The following DENND4A variants were observed in gnomAD, a reference collection of about 807,000 sequenced individuals.
The protein encoded by DENND4A is DENN domain containing 4A.
DENND4A carries 70 observed loss-of-function variants against 199.3 expected under a neutral mutation model. The ratio of observed to expected loss-of-function variants is 0.35; its 90% CI spans 0.29 to 0.43. The LOEUF is 0.43. Ranked by LOEUF, DENND4A falls within the 20% of genes least tolerant of loss-of-function variation. The probability of loss-of-function intolerance (pLI) is 1.00; values close to 1 mark genes in which losing one functional copy is unlikely to be tolerated. For synonymous variants in DENND4A, 686 were observed against 766.9 expected (o/e 0.89, Z 1.74); for missense variants, 1,723 against 2,255.8 (o/e 0.76, Z 4.78).
chr15:65,735,847 T>A lies in DENND4A; in HGVS notation c.1040+1860A>T, dbSNP rs576618567. On this transcript the variant is annotated intron_variant, in intron 7 of 32. Transcript: ENST00000443035. The stretch of plus-strand genomic sequence containing the variant: ...GGCTCACACCTGTAATCCCCAGCAC[T>A]CTAGGAGGCCGAGGCAGGTGTTTCA... 5.3e-5 allele frequency among the ~76,000 whole-genome samples: 8 copies of A among 152,164 alleles called. No homozygotes were observed. The South Asian group carries it at 1.5e-3, about 28-fold the overall frequency.
Position 65,772,099 on chromosome 15 carries a change from C to T in DENND4A, c.-101-10661G>A, listed in dbSNP as rs553493039. Reference sequence around the variant, plus strand: ...TTGCCAGCATTCAGAGCCTCCTGGACGATGTCGACACATTTCTCAGCTTCA... The same window carrying T: ...TTGCCAGCATTCAGAGCCTCCTGGATGATGTCGACACATTTCTCAGCTTCA... On this transcript the variant is annotated intron_variant, in intron 1 of 32. Transcript: ENST00000443035. 1.3e-4 allele frequency: 124 copies of T among 941,480 alleles called. No homozygotes were observed. The African/African-American group carries it at 1.8e-3, about 14-fold the overall frequency. The allele number at this position is 941,480 out of a possible 1,614,324, so 58.3% of individuals were successfully genotyped here. A position where few individuals can be genotyped will look rare whatever the true frequency, so the allele number is the denominator to read the frequency against.
chr15:65,746,225 C>T (rs2076386632), intron 4 of DENND4A, among the ~76,000 whole-genome samples: 1 of 151,828 alleles, frequency 6.6e-6, no homozygotes, highest in Non-Finnish European at 1.5e-5. Context: ...AGGCATTGTT[C>T]TAAAACTACT....
intron 12 of DENND4A, among the ~76,000 whole-genome samples, chr15:65,718,750 GTTTTTTTTCCT>G (rs2075497458): frequency 4.6e-5 from 2 of 43,730 alleles, no homozygotes; most frequent in African/African-American, 1.4e-4. Context: ...AGTTTTGCAT[GTTTTTTTTCCT>G]TTTTTTTTTT....
intron 11 of DENND4A, among the ~76,000 whole-genome samples, chr15:65,724,381 GTTTT>G (rs35006844): frequency 3.6e-4 from 51 of 143,374 alleles, no homozygotes; most frequent in African/African-American, 1.2e-3. Context: ...TTTTTGAATC[GTTTT>G]TTTTTTTTTT....
intron 1 of DENND4A, among the ~76,000 whole-genome samples, chr15:65,786,619 A>T (rs77832100): frequency 6.6e-6 from 1 of 152,166 alleles, no homozygotes; most frequent in African/African-American, 2.4e-5. Flanking sequence ...AGCTCATTTA[A>T]TTTTTACAAC....
At chr15:65,700,920 T>C (rs1186684331) in intron 19 of DENND4A, 131 bp downstream of exon 19, 15 of 1,053,448 alleles carry the variant, frequency 1.4e-5, no homozygotes, top group Non-Finnish European at 1.6e-5. Flanking sequence ...ATGGGAAGAG[T>C]AATATAATTT....
At chr15:65,688,898 G>A (rs1408321160) in intron 23 of DENND4A, among the ~76,000 whole-genome samples, 2 of 152,186 alleles carry the variant, frequency 1.3e-5, no homozygotes. Flanking sequence ...TTTTTAAGTT[G>A]TAATCAGTGG....
At chr15:65,739,888 T>C (rs1393577661) in intron 5 of DENND4A, among the ~76,000 whole-genome samples, 3 of 152,086 alleles carry the variant, frequency 2.0e-5, no homozygotes, top group Non-Finnish European at 2.9e-5. Flanking sequence ...ATAGAAATAG[T>C]GATGAAGGCC....
In DENND4A at chr15:65,737,959, A is replaced by C; in HGVS notation, c.802-14T>G. On this transcript the variant is annotated splice_polypyrimidine_tract_variant and intron_variant, in intron 6 of 32. Coordinates refer to ENST00000443035, the MANE Select transcript of DENND4A (RefSeq NM_001320835.1). ...AGCACCATAAACCTGCAAAACAAGTAATATATCCAGTAAATATACTTTGTA... is the reference window on the plus strand; with the variant it reads ...AGCACCATAAACCTGCAAAACAAGTCATATATCCAGTAAATATACTTTGTA... 1.3e-6 allele frequency: 2 copies of C among 1,557,716 alleles called. No homozygotes were observed. The highest frequency in any genetic ancestry group is 1.7e-6 in the Non-Finnish European group (2 of 1,149,320).
intron 1 of DENND4A, chr15:65,771,413 A>C: frequency 6.3e-7 from 1 of 1,583,738 alleles, no homozygotes; most frequent in Middle Eastern, 2.3e-4. Context: ...GTCCTTGCTG[A>C]CATAATAAAC....
rs1487896039 is a variant in DENND4A, at chr15:65,701,813, C to A, written c.2508G>T (p.Met836Ile). The A allele has an allele frequency of 6.2e-7, 1 of 1,613,766 alleles. No individual in the cohort carries two copies. Among genetic ancestry groups the A allele is most frequent in the Non-Finnish European group, 8.5e-7 (1 of 1,179,740 alleles). ...PVLAVRVLFE[M>I]QKAGIDPNAI... ...CATTGGGGTCAATACCAGCTTTCTG[C>A]ATTTCAAAAAGCACTCGAACTGCAA... Residue 836 changes from methionine to isoleucine, a missense_variant, in exon 18 of 33, where the codon ATG (methionine) becomes ATT (isoleucine). This residue lies in a region of DENND4A where 36 missense variants were observed against 85.7 expected (regional missense o/e 0.42). Coordinates refer to ENST00000443035, the MANE Select transcript of DENND4A (RefSeq NM_001320835.1).
chr15:65,746,933 TA>T (rs79912609), intron 4 of DENND4A, among the ~76,000 whole-genome samples: 707 of 128,276 alleles, frequency 5.5e-3, no homozygotes, highest in Middle Eastern at 0.012. Flanking sequence ...CTGTCTCTAC[TA>T]AAAAAAAAAA....
Position 65,728,045 on chromosome 15 carries a change from G to A in DENND4A, c.1487+1027C>T, listed in dbSNP as rs371191037. Among the ~76,000 whole-genome samples, 232 of 151,168 alleles carry A rather than the reference G, an allele frequency of 1.5e-3. 3 individuals are homozygous for A. Among genetic ancestry groups the A allele is most frequent in the African/African-American group, 5.4e-3 (220 of 41,080 alleles). On this transcript the variant is annotated intron_variant, in intron 11 of 32. Coordinates refer to ENST00000443035, the MANE Select transcript of DENND4A (RefSeq NM_001320835.1). ...TTCTTTTGAGACAGAGTCTCCCTCC[G>A]TTACCCAGGCTGGAAAGCAGTGGTG...
In DENND4A at chr15:65,691,119, C is replaced by G. The variant is rs757726723; in HGVS notation, c.3475G>C (p.Val1159Leu). The change falls in exon 23 of 33, where the codon GTG becomes CTG. Residue 1159 changes from valine (V) to leucine (L), a missense_variant. Physicochemically the swap from Val to Leu is conservative, Grantham distance 32. Transcript: ENST00000443035. Reference sequence around the variant, plus strand: ...AAGTCAAAAATAACAGGAGAATCCACTTTATCTGCCAAATAGTTAGAACCA... The same window carrying G: ...AAGTCAAAAATAACAGGAGAATCCAGTTTATCTGCCAAATAGTTAGAACCA... ...FDGSNYLADKVDSPVIFDLED... is the reference protein window; with the variant it reads ...FDGSNYLADKLDSPVIFDLED... The G allele has an allele frequency of 6.2e-7, 1 of 1,613,254 alleles. No homozygotes were observed. Among genetic ancestry groups the G allele is most frequent in the South Asian group, 1.1e-5 (1 of 91,026 alleles).
rs1391729934 is a variant in DENND4A at position 65,659,339 on chromosome 15, T to G, written c.*2512A>C. On this transcript the variant is annotated 3_prime_UTR_variant, in exon 33 of 33. Transcript: ENST00000443035. ...ATTTTCTGGTTTTTTTTTTTTTTTT[T>G]TTTTTTTTTTTTGAGACAGGGTCTT... The G allele has an allele frequency of 3.7e-5, 5 of 134,188 alleles. 1 individual carries two copies. Among genetic ancestry groups the G allele is most frequent in the African/African-American group, 1.4e-4 (5 of 36,702 alleles). 8.3% of individuals were successfully genotyped at this position (134,188 alleles called of 1,614,324 possible). A position where few individuals can be genotyped will look rare whatever the true frequency, so the allele number is the denominator to read the frequency against.
At chr15:65,754,375 C>T (rs28477708) in intron 3 of DENND4A, among the ~76,000 whole-genome samples, 30,140 of 152,038 alleles carry the variant, frequency 0.2, 4,024 homozygotes, top group East Asian at 0.74. Context: ...TTCAAATTCC[C>T]ACCACCTGTT....
chr15:65,711,314 C>A (rs2075241832), intron 14 of DENND4A, among the ~76,000 whole-genome samples: 1 of 152,030 alleles, frequency 6.6e-6, no homozygotes, highest in African/African-American at 2.4e-5. Context: ...CCAACCTGGG[C>A]AACACAAGGA....
chr15:65,726,853 G>A (rs2075815661), intron 11 of DENND4A, among the ~76,000 whole-genome samples: 1 of 152,102 alleles, frequency 6.6e-6, no homozygotes, highest in South Asian at 2.1e-4. Flanking sequence ...CTACTTGGGA[G>A]GCTGAGGCAG....
intron 23 of DENND4A, among the ~76,000 whole-genome samples, chr15:65,687,352 G>C (rs974618913): frequency 7.9e-5 from 12 of 151,896 alleles, no homozygotes; most frequent in Non-Finnish European, 1.5e-4. Flanking sequence ...AATTCCATGA[G>C]ATAATGTTAC....
Sources: gnomAD v4.1 joint callset for allele counts (sites outside exome capture counted in the v4.1 genomes callset) on GRCh38, gnomAD v4.1.1 for gene constraint, gnomAD v4.1.1 regional missense constraint, MANE v1.5 for transcripts, NCBI Gene and HGNC (gene_info 2026-07-23, HGNC 2026-07-21) for gene names.